CNTNAP5: variants seen among roughly 807,000 people sequenced by gnomAD.
The protein encoded by CNTNAP5 is contactin-associated protein-like 5.
In CNTNAP5, 72 loss-of-function variants were observed where a neutral mutation model predicts 150.2. That is an observed-to-expected ratio of 0.48 (90% CI 0.40 to 0.58). The LOEUF is 0.58. Among genes scored for constraint, CNTNAP5 ranks in the 20% least tolerant of loss-of-function variants. CNTNAP5 has a pLI of 0.00. For synonymous variants in CNTNAP5, 672 were observed against 619.8 expected, an observed-to-expected ratio of 1.08 and a Z score of -1.25; for missense variants, 1,636 against 1,626.2, an observed-to-expected ratio of 1.01 and a Z score of -0.10.
At chr2:124,794,777 C>T (rs1681809996) in intron 18 of CNTNAP5, among the ~76,000 whole-genome samples, 1 of 152,104 alleles carries the variant, frequency 6.6e-6, no homozygotes, top group Non-Finnish European at 1.5e-5. Flanking sequence ...ACACTCACCT[C>T]CTATCCTCCT....
chr2:124,707,205 A>AAGAAG (rs879641750), intron 13 of CNTNAP5, among the ~76,000 whole-genome samples: 1 of 145,256 alleles, frequency 6.9e-6, no homozygotes, highest in Admixed American at 6.8e-5. Context: ...GAAGAAGAAG[A>AAGAAG]ATAAACAACT....
intron 13 of CNTNAP5, among the ~76,000 whole-genome samples, chr2:124,739,416 T>C (rs1680453803): frequency 6.6e-6 from 1 of 152,194 alleles, no homozygotes; most frequent in Admixed American, 6.5e-5. Flanking sequence ...AGAAAGAGCA[T>C]ATAAAACACT....
chr2:124,242,561 C>T (rs1055714673), intron 3 of CNTNAP5, 168 bp downstream of exon 3: 1 of 615,506 alleles, frequency 1.6e-6, no homozygotes, highest in Non-Finnish European at 2.7e-6. Context: ...CATGGTTCTA[C>T]TTCCTAGGAA....
chr2:124,429,795 C>T (rs1692325810), intron 4 of CNTNAP5, among the ~76,000 whole-genome samples: 1 of 152,138 alleles, frequency 6.6e-6, no homozygotes, highest in African/African-American at 2.4e-5. Flanking sequence ...AACTAACTCT[C>T]CCAGTGTGGA....
intron 3 of CNTNAP5, among the ~76,000 whole-genome samples, chr2:124,395,671 C>CA (rs1333425364): frequency 6.6e-6 from 1 of 152,020 alleles, no homozygotes; most frequent in African/African-American, 2.4e-5. Context: ...CTGTTCTAAG[C>CA]AATATCTAAA....
intron 1 of CNTNAP5, among the ~76,000 whole-genome samples, chr2:124,060,025 G>A (rs566835417): frequency 6.6e-6 from 1 of 152,146 alleles, no homozygotes; most frequent in African/African-American, 2.4e-5. Flanking sequence ...AATAGTCGAT[G>A]ATTTGTAAGA....
intron 17 of CNTNAP5, among the ~76,000 whole-genome samples, chr2:124,779,348 C>T (rs962061665): frequency 1.8e-4 from 28 of 152,226 alleles, no homozygotes; most frequent in Non-Finnish European, 4.4e-5. Flanking sequence ...CCATAGTTCA[C>T]TTTTCTGCCC....
intron 1 of CNTNAP5, among the ~76,000 whole-genome samples, chr2:124,164,789 G>A (rs1277541703): frequency 6.6e-6 from 1 of 152,158 alleles, no homozygotes; most frequent in Admixed American, 6.6e-5. Context: ...TTGGGTAGGG[G>A]TTTAAATGAG....
chr2:124,345,077 T>C lies in CNTNAP5; in HGVS notation c.382-72366T>C, dbSNP rs1410826355. 2.6e-5 allele frequency among the ~76,000 whole-genome samples: 4 copies of C among 152,212 alleles called. No individual in the cohort carries two copies. The South Asian group carries it at 8.3e-4, about 32-fold the overall frequency. On this transcript the variant is annotated intron_variant, in intron 3 of 23. Coordinates refer to ENST00000682447, the MANE Select transcript of CNTNAP5 (RefSeq NM_001367498.1). The stretch of plus-strand genomic sequence containing the variant: ...GTGCCAGGTTTAGGGTATTAGTTTC[T>C]GAGCTCCAGTGGCATGAACTAGCTT...
In CNTNAP5 at chr2:124,433,616, A is replaced by G. The variant is rs1692447621; in HGVS notation, c.530-868A>G. ...ACCCACAGAACATGGTATATAATGA[A>G]TCAGTTTCAATTTGTAATTAAACAG... On this transcript the variant is annotated intron_variant, in intron 4 of 23. Transcript: ENST00000682447. Among the ~76,000 whole-genome samples the G allele has an allele frequency of 3.9e-5, 6 of 152,274 alleles. No individual in the cohort carries two copies. The South Asian group carries it at 1.2e-3, about 32-fold the overall frequency.
At chr2:124,433,034 C>T (rs1197879152) in intron 4 of CNTNAP5, among the ~76,000 whole-genome samples, 1 of 152,172 alleles carries the variant, frequency 6.6e-6, no homozygotes, top group African/African-American at 2.4e-5. Flanking sequence ...TTATCTTCAT[C>T]CTATAAATAA....
chr2:124,410,181 A>G (rs1259397797), intron 3 of CNTNAP5, among the ~76,000 whole-genome samples: 3 of 151,494 alleles, frequency 2.0e-5, no homozygotes, highest in Non-Finnish European at 4.4e-5. Context: ...AGAGCTAACT[A>G]TCCTAAATAT....
intron 1 of CNTNAP5, among the ~76,000 whole-genome samples, chr2:124,162,824 T>A (rs995055180): frequency 6.6e-6 from 1 of 150,896 alleles, no homozygotes; most frequent in African/African-American, 2.4e-5. Context: ...CATCATAGAA[T>A]GTATTTCAAG....
In CNTNAP5 at chr2:124,868,247, C is replaced by A. The variant is rs951105514; in HGVS notation, c.3349-1428C>A. Among the ~76,000 whole-genome samples, 166 of 152,262 alleles carry A rather than the reference C, an allele frequency of 1.1e-3. 1 individual carries two copies. The highest frequency in any genetic ancestry group is 3.7e-3 in the African/African-American group (155 of 41,562). On this transcript the variant is annotated intron_variant, in intron 20 of 23. Transcript: ENST00000682447. Reference sequence around the variant, plus strand: ...AAACCCTGTCAATGATTTCCTTTCTCGTACAGAGAAAAAGTCAAAGGTCTT... The same window carrying A: ...AAACCCTGTCAATGATTTCCTTTCTAGTACAGAGAAAAAGTCAAAGGTCTT...
intron 13 of CNTNAP5, among the ~76,000 whole-genome samples, chr2:124,658,227 A>G (rs544171848): frequency 1.8e-4 from 28 of 152,298 alleles, no homozygotes; most frequent in South Asian, 6.2e-4. Flanking sequence ...TTCACAGAGC[A>G]AGAGGCTAGG....
At chr2:124,625,146 C>G (rs573597693) in intron 12 of CNTNAP5, among the ~76,000 whole-genome samples, 16 of 152,244 alleles carry the variant, frequency 1.1e-4, no homozygotes, top group African/African-American at 3.9e-4. Context: ...GTCTCTTGTT[C>G]ACAGTCCCTT....
chr2:124,501,685 G>T (rs572716360), intron 7 of CNTNAP5, among the ~76,000 whole-genome samples: 1 of 152,248 alleles, frequency 6.6e-6, no homozygotes, highest in South Asian at 2.1e-4. Flanking sequence ...GTGAATAGGG[G>T]TGACACTGAT....
chr2:124,542,475 A>G (rs181385452), intron 10 of CNTNAP5, among the ~76,000 whole-genome samples: 1 of 151,934 alleles, frequency 6.6e-6, no homozygotes, highest in East Asian at 1.9e-4. Flanking sequence ...GTGTGATGGG[A>G]TTCCAGAAGT....
intron 19 of CNTNAP5, among the ~76,000 whole-genome samples, chr2:124,862,245 A>G (rs1428352741): frequency 1.3e-5 from 2 of 152,220 alleles, no homozygotes; most frequent in African/African-American, 4.8e-5. Context: ...ATAGTGTAGC[A>G]ATGTTAATAT....
Sources: gnomAD v4.1 joint callset for allele counts (sites outside exome capture counted in the v4.1 genomes callset) on GRCh38, gnomAD v4.1.1 for gene constraint, MANE v1.5 for transcripts, NCBI Gene and HGNC (gene_info 2026-07-23, HGNC 2026-07-21) for gene names.